The following TRPM3 variants were observed in gnomAD, a reference collection of about 807,000 sequenced individuals.
The protein encoded by TRPM3 is transient receptor potential cation channel subfamily M member 3, also known as long transient receptor potential channel 3.
Under a neutral mutation model 181.2 loss-of-function variants are expected in TRPM3, and 77 were observed. That is an observed-to-expected ratio of 0.42 (90% CI 0.35 to 0.51). The LOEUF is 0.51. TRPM3 is among the 20% of genes least tolerant of loss of function. TRPM3 has a pLI of 0.01. For synonymous variants in TRPM3, 745 were observed against 796.4 expected (o/e 0.94, Z 1.09); for missense variants, 1,759 against 2,196.7 (o/e 0.80, Z 3.98).
intron 22 of TRPM3, among the ~76,000 whole-genome samples, chr9:70,580,417 C>A (rs1170142355): frequency 1.3e-5 from 2 of 150,448 alleles, no homozygotes; most frequent in African/African-American, 2.5e-5. Context: ...CAGACCCTGG[C>A]CCCAACCCAT....
chr9:71,402,055 C>G (rs993627438), intron 1 of TRPM3, among the ~76,000 whole-genome samples: 1 of 152,012 alleles, frequency 6.6e-6, no homozygotes, highest in African/African-American at 2.4e-5. Flanking sequence ...TTTCAGCCAG[C>G]GAGGTTGAAA....
intron 1 of TRPM3, among the ~76,000 whole-genome samples, chr9:71,171,038 C>CT (rs1427901900): frequency 6.6e-6 from 1 of 152,114 alleles, no homozygotes; most frequent in Non-Finnish European, 1.5e-5. Context: ...CAGCCCCCCC[C>CT]AGGTGCTCCT....
chr9:70,981,347 A>C (rs2097361809), intron 1 of TRPM3, among the ~76,000 whole-genome samples: 1 of 152,228 alleles, frequency 6.6e-6, no homozygotes, highest in African/African-American at 2.4e-5. Flanking sequence ...TATGAATATG[A>C]TGTCTGGAAG....
intron 9 of TRPM3, among the ~76,000 whole-genome samples, chr9:70,642,687 T>C (rs1420987459): frequency 1.3e-5 from 2 of 152,232 alleles, no homozygotes; most frequent in African/African-American, 2.4e-5. Flanking sequence ...CCTCCTTTCC[T>C]GCTTACCCTC....
chr9:71,209,383 G>GA (rs2079331470), intron 1 of TRPM3, among the ~76,000 whole-genome samples: 1 of 61,742 alleles, frequency 1.6e-5, no homozygotes, highest in Non-Finnish European at 3.3e-5. Context: ...AGAAGAGGGG[G>GA]TAGGGAGAGG....
At chr9:70,923,086 G>A (rs2096674634) in intron 1 of TRPM3, among the ~76,000 whole-genome samples, 1 of 151,846 alleles carries the variant, frequency 6.6e-6, no homozygotes, top group South Asian at 2.1e-4. Flanking sequence ...AAAAGATAGC[G>A]CCTATCCAGG....
intron 1 of TRPM3, among the ~76,000 whole-genome samples, chr9:71,196,775 A>G (rs557375081): frequency 6.6e-6 from 1 of 152,204 alleles, no homozygotes; most frequent in South Asian, 2.1e-4. Flanking sequence ...CTAGGATATG[A>G]ACACGATTTT....
intron 3 of TRPM3, among the ~76,000 whole-genome samples, chr9:70,857,116 C>T (rs2095407935): frequency 6.6e-6 from 1 of 152,094 alleles, no homozygotes; most frequent in Non-Finnish European, 1.5e-5. Flanking sequence ...GAGCTTTTGC[C>T]TCTTATTATC....
intron 1 of TRPM3, among the ~76,000 whole-genome samples, chr9:70,908,773 A>C (rs1490642775): frequency 6.6e-6 from 1 of 152,238 alleles, no homozygotes; most frequent in African/African-American, 2.4e-5. Context: ...GTGTCACAAA[A>C]ATAGAATAAT....
At chr9:71,410,241 C>A (rs914170463) in intron 1 of TRPM3, among the ~76,000 whole-genome samples, 1 of 151,348 alleles carries the variant, frequency 6.6e-6, no homozygotes, top group African/African-American at 2.4e-5. Context: ...TAGCAGAAGG[C>A]AAGAAAAAAC....
Position 70,625,326 on chromosome 9 carries a change from G to T in TRPM3, c.1674C>A (p.Asn558Lys). Residue 558 changes from asparagine (N) to lysine (K), a missense_variant, in exon 14 of 26, where the codon AAC (asparagine) becomes AAA (lysine). By Grantham distance (94) the Asn-to-Lys change is moderately conservative. Around this residue, in one of 8 missense-constraint regions of TRPM3, gnomAD observed 737 missense variants for 957.4 expected, o/e 0.77. Transcript: ENST00000677713. The surrounding 1 kb of genome is among the most constrained non-coding windows in gnomAD (Gnocchi z 4.8). ...PGFGWIYFKG[N>K]LPPDYRISLI... is the part of the protein sequence containing the mutation. ...GGCTGATTCTGTAGTCTGGGGGCAG[G>T]TTCCCCTATCAGGGTAGAATGAAAC... is the stretch of plus-strand genomic sequence containing the variant. 6.2e-7 allele frequency: 1 copy of T among 1,614,124 alleles called. No homozygotes were observed. The highest frequency in any genetic ancestry group is 8.5e-7 in the Non-Finnish European group (1 of 1,180,032).
intron 8 of TRPM3, among the ~76,000 whole-genome samples, chr9:70,686,057 A>G (rs1269757301): frequency 6.6e-6 from 1 of 151,044 alleles, no homozygotes; most frequent in Non-Finnish European, 1.5e-5. Flanking sequence ...ATATGTGTGT[A>G]TATACATATT....
intron 1 of TRPM3, among the ~76,000 whole-genome samples, chr9:71,364,421 A>G (rs2092265670): frequency 6.6e-6 from 1 of 152,264 alleles, no homozygotes; most frequent in African/African-American, 2.4e-5. Flanking sequence ...AATTGGCCAG[A>G]GTAAAATGTG....
At chr9:71,339,740 T>C (rs1588567365) in intron 1 of TRPM3, among the ~76,000 whole-genome samples, 1 of 151,916 alleles carries the variant, frequency 6.6e-6, no homozygotes. Flanking sequence ...GGCTGGGAGA[T>C]GGGGAGAAAA....
intron 1 of TRPM3, among the ~76,000 whole-genome samples, chr9:71,191,794 A>T (rs1216112171): frequency 8.6e-6 from 1 of 115,816 alleles, no homozygotes; most frequent in Non-Finnish European, 1.9e-5. Flanking sequence ...GAACATATAA[A>T]AAAAAAAAAA....
intron 10 of TRPM3, among the ~76,000 whole-genome samples, chr9:70,639,799 C>T (rs2057776347): frequency 6.6e-6 from 1 of 152,176 alleles, no homozygotes; most frequent in African/African-American, 2.4e-5. Flanking sequence ...GTTGCAGGGT[C>T]TAGACTCTGA....
chr9:70,742,148 A>G (rs2074253333), intron 8 of TRPM3, among the ~76,000 whole-genome samples: 1 of 152,172 alleles, frequency 6.6e-6, no homozygotes, highest in African/African-American at 2.4e-5. Flanking sequence ...TATGTATGTT[A>G]TTAAGTGAAA....
chr9:70,822,295 C>T (rs920981503), intron 6 of TRPM3, among the ~76,000 whole-genome samples: 1 of 152,180 alleles, frequency 6.6e-6, no homozygotes, highest in Non-Finnish European at 1.5e-5. Context: ...TCTGTAAACA[C>T]TCCTTAGGGG....
intron 1 of TRPM3, among the ~76,000 whole-genome samples, chr9:71,383,718 A>G (rs745362879): frequency 6.6e-6 from 1 of 152,198 alleles, no homozygotes; most frequent in Non-Finnish European, 1.5e-5. Context: ...ATTTCCTAAC[A>G]TAAACACATC....
Sources: gnomAD v4.1 joint callset for allele counts (sites outside exome capture counted in the v4.1 genomes callset) on GRCh38, gnomAD v4.1.1 for gene constraint, gnomAD v4.1.1 regional missense constraint, Gnocchi (gnomAD v3.1) non-coding constraint, MANE v1.5 for transcripts, NCBI Gene and HGNC (gene_info 2026-07-23, HGNC 2026-07-21) for gene names.